Variants in PKD1L1 observed in about 807,000 individuals in gnomAD.
PKD1L1 encodes the protein polycystin 1 like 1, transient receptor potential channel interacting.
PKD1L1 carries 236 observed loss-of-function variants against 323.4 expected under a neutral mutation model. The ratio of observed to expected loss-of-function variants is 0.73; its 90% CI spans 0.66 to 0.81. PKD1L1 has a LOEUF of 0.81. Among genes scored for constraint, PKD1L1 ranks in the 40% least tolerant of loss-of-function variants. The probability of loss-of-function intolerance (pLI) is 0.00; values close to 1 mark genes in which losing one functional copy is unlikely to be tolerated. For synonymous variants in PKD1L1, 1,344 were observed against 1,335.0 expected (o/e 1.01, Z -0.15); for missense variants, 3,320 against 3,508.0 (o/e 0.95, Z 1.35).
chr7:47,858,761 C>A lies in PKD1L1; in HGVS notation c.4274G>T (p.Arg1425Ile). The A allele has an allele frequency of 1.2e-6, 2 of 1,614,192 alleles. No individual in the cohort carries two copies. Among genetic ancestry groups the A allele is most frequent in the Non-Finnish European group, 1.7e-6 (2 of 1,180,020 alleles). Reference sequence around the variant, plus strand: ...TTCTTGCTCAGAGACTTCCCAGACTCTGGATATGAGACCGATGAGCTCAAG... The same window carrying A: ...TTCTTGCTCAGAGACTTCCCAGACTATGGATATGAGACCGATGAGCTCAAG... ...VRLELIGLIS[R>I]VWEVSEQENS... The change falls in exon 27 of 57, where the codon AGA (arginine) becomes ATA (isoleucine). Residue 1425 changes from arginine to isoleucine, a missense_variant. Coordinates refer to ENST00000289672, the MANE Select transcript of PKD1L1 (RefSeq NM_138295.5).
chr7:47,949,320 G>T (rs1291510266), upstream of PKD1L1, among the ~76,000 whole-genome samples: 1 of 127,928 alleles, frequency 7.8e-6, no homozygotes. Flanking sequence ...AGTGAGCCGA[G>T]ATCGTGCCAC....
intron 2 of PKD1L1, 28 bp from the exon 3 acceptor site, chr7:47,940,345 C>T: frequency 6.2e-7 from 1 of 1,603,536 alleles, no homozygotes; most frequent in Non-Finnish European, 8.5e-7. Context: ...AGCAAACATT[C>T]TGAAGACTGC....
At position 47,877,490 on chromosome 7, in the gene PKD1L1, G is replaced by A. The variant is rs779116056; in HGVS notation, c.3662C>T (p.Pro1221Leu). The A allele has an allele frequency of 4.3e-6, 7 of 1,613,666 alleles. No individual in the cohort carries two copies. Among genetic ancestry groups the A allele is most frequent in the East Asian group, 4.5e-5 (2 of 44,860 alleles). ...VFSVFCMSGK[P>L]DFHYEFSYQI... ...ACAGACATGGGGTTGTCCACGTACC[G>A]GTTTTCCAGACATGCAGAAGACACT... is the stretch of plus-strand genomic sequence containing the variant. Residue 1221 changes from proline (P) to leucine (L), a missense_variant and splice_region_variant, in exon 22 of 57, where the codon CCG (proline) becomes CTG (leucine). Physicochemically the swap from Pro to Leu is moderately conservative, Grantham distance 98. Transcript: ENST00000289672.
At chr7:47,950,437 G>A (rs1281255943), upstream of PKD1L1, among the ~76,000 whole-genome samples, 4 of 152,294 alleles carry the variant, frequency 2.6e-5, no homozygotes, top group East Asian at 1.9e-4. Flanking sequence ...ACTGCCCTAC[G>A]TGGGAGGCAC....
At chr7:47,891,847 G>A (rs1786826196) in intron 15 of PKD1L1, among the ~76,000 whole-genome samples, 1 of 152,166 alleles carries the variant, frequency 6.6e-6, no homozygotes, top group African/African-American at 2.4e-5. Context: ...CCTTAGGTTG[G>A]GTGCAGGGAA....
At chr7:47,809,922 G>T (rs1351076959) in intron 50 of PKD1L1, among the ~76,000 whole-genome samples, 3 of 152,202 alleles carry the variant, frequency 2.0e-5, no homozygotes, top group Non-Finnish European at 4.4e-5. Context: ...CTGCTCAAAA[G>T]AGTGAGTTTC....
At chr7:47,829,364 T>A in intron 44 of PKD1L1, 61 bp downstream of exon 44, 1 of 1,455,224 alleles carries the variant, frequency 6.9e-7, no homozygotes, top group Non-Finnish European at 9.3e-7. Context: ...CAGATATGCA[T>A]GATAGAATAT....
At position 47,946,464 on chromosome 7, in the gene PKD1L1, C is replaced by T. The variant is rs1250186843; in HGVS notation, c.44+1933G>A. Among the ~76,000 whole-genome samples, 19 of 149,588 alleles carry T rather than the reference C, an allele frequency of 1.3e-4. No homozygotes were observed. The Admixed American group carries it at 1.3e-3, about 10-fold the overall frequency. On this transcript the variant is annotated intron_variant, in intron 1 of 56. Transcript: ENST00000289672. This position sits in a 1 kb window ranked among gnomAD's most constrained non-coding sequence, Gnocchi z 4.1. ...ACACAGCACATACCCACCCACCACA[C>T]ACACATCGCACACACCACACACCAC...
At position 47,836,962 on chromosome 7, in the gene PKD1L1, C is replaced by G; in HGVS notation, c.5902G>C (p.Ala1968Pro). ...GCAGCAACCAGGGCAGTGAGACACG[C>G]GTAGACGCACAGCAGGGAGAAGGAC... ...TVSFSLLCVY[A>P]CLTALVAAGG... Residue 1968 changes from alanine (A) to proline (P), a missense_variant, in exon 37 of 57, where the codon GCG becomes CCG. Transcript: ENST00000289672. 1 of 1,614,150 alleles carries G rather than the reference C, an allele frequency of 6.2e-7. No individual in the cohort carries two copies. Among genetic ancestry groups the G allele is most frequent in the Non-Finnish European group, 8.5e-7 (1 of 1,180,034 alleles).
chr7:47,817,516 G>T (rs1400439857), intron 46 of PKD1L1, among the ~76,000 whole-genome samples: 2 of 152,172 alleles, frequency 1.3e-5, no homozygotes, highest in African/African-American at 4.8e-5. Context: ...AGTGTATAGA[G>T]TAATAAAGAG....
At chr7:47,883,342 C>T (rs188737702) in intron 19 of PKD1L1, among the ~76,000 whole-genome samples, 3 of 152,314 alleles carry the variant, frequency 2.0e-5, no homozygotes, top group African/African-American at 7.2e-5. Context: ...GAACCACCCC[C>T]AACAAATCAT....
intron 41 of PKD1L1, 42 bp downstream of exon 41, chr7:47,833,048 T>C (rs755668013): frequency 1.0e-5 from 16 of 1,581,056 alleles, no homozygotes; most frequent in Non-Finnish European, 1.4e-5. Flanking sequence ...GCAGGTCTGC[T>C]GGACTGGCAG....
chr7:47,880,663 T>A, intron 21 of PKD1L1, 65 bp downstream of exon 21: 1 of 1,317,706 alleles, frequency 7.6e-7, no homozygotes, highest in Non-Finnish European at 1.1e-6. Flanking sequence ...TTAGGAAGAG[T>A]AAACTCACAG....
intron 46 of PKD1L1, among the ~76,000 whole-genome samples, chr7:47,818,941 A>G (rs929162768): frequency 1.3e-5 from 2 of 152,194 alleles, no homozygotes; most frequent in Non-Finnish European, 2.9e-5. Context: ...CCCTTTATAG[A>G]TGAAGATGCT....
intron 4 of PKD1L1, among the ~76,000 whole-genome samples, chr7:47,935,585 C>T (rs1482378405): frequency 6.6e-6 from 1 of 152,206 alleles, no homozygotes; most frequent in Non-Finnish European, 1.5e-5. Flanking sequence ...AGGTGTGCAG[C>T]GTGGCCTGCC....
In PKD1L1 at chr7:47,885,982, T is replaced by A. The variant is rs1786675339; in HGVS notation, c.2909A>T (p.Asn970Ile). The change falls in exon 18 of 57, where the codon AAC (asparagine) becomes ATC (isoleucine). Residue 970 changes from asparagine (N) to isoleucine (I), a missense_variant. Coordinates refer to ENST00000289672, the MANE Select transcript of PKD1L1 (RefSeq NM_138295.5). ...LGAISESSQL[N>I]LLPTEPGTAD... ...AGTGCCAGGCTCAGTGGGCAGCAGGTTTAACTGTGATGACTCTGAAATGGC... is the reference window on the plus strand; with the variant it reads ...AGTGCCAGGCTCAGTGGGCAGCAGGATTAACTGTGATGACTCTGAAATGGC... The A allele has an allele frequency of 6.2e-7, 1 of 1,614,068 alleles. No homozygotes were observed. The highest frequency in any genetic ancestry group is 1.6e-4 in the Middle Eastern group (1 of 6,062).
rs1787877948 is a variant in PKD1L1, at chr7:47,936,899, A to G, written c.345T>C (p.Ala115=). 6.2e-7 allele frequency: 1 copy of G among 1,613,792 alleles called. No individual in the cohort carries two copies. The highest frequency in any genetic ancestry group is 1.1e-5 in the South Asian group (1 of 90,858). The part of the protein sequence containing the change: ...ALSVVNEKTQ[A]VVNEKTQAPL... ...GCGCCTGTGTTTTTTCATTAACAAC[A>G]GCCTGTGTTTTTTCATTAACAACAC... Residue 115 remains alanine (A), a synonymous_variant, in exon 4 of 57, where the codon GCT becomes GCC. Transcript: ENST00000289672.
At chr7:47,827,702 G>A (rs958435460) in intron 44 of PKD1L1, among the ~76,000 whole-genome samples, 1 of 152,138 alleles carries the variant, frequency 6.6e-6, no homozygotes, top group African/African-American at 2.4e-5. Context: ...AAGTTTTTTT[G>A]GCAGGGATTG....
Position 47,821,116 on chromosome 7 carries a change from C to CATCTTGGGAAAATCTCCCATATATT in PKD1L1, c.6900_6924dup (p.Glu2309AsnfsTer9). On this transcript the variant is annotated frameshift_variant, in exon 46 of 57. Transcript: ENST00000289672. LOFTEE classifies it high-confidence loss of function. ...CGGATAGCTTGATTGAGGGAGTATT[C>CATCTTGGGAAAATCTCCCATATATT]ATCTTGGGAAAATCTCCCATATATT... is the stretch of plus-strand genomic sequence containing the variant. 6.2e-7 allele frequency: 1 copy of CATCTTGGGAAAATCTCCCATATATT among 1,608,318 alleles called. No homozygotes were observed. The highest frequency in any genetic ancestry group is 1.7e-4 in the Middle Eastern group (1 of 6,048).
Sources: gnomAD v4.1 joint callset for allele counts (sites outside exome capture counted in the v4.1 genomes callset) on GRCh38, gnomAD v4.1.1 for gene constraint, Gnocchi (gnomAD v3.1) non-coding constraint, MANE v1.5 for transcripts, NCBI Gene and HGNC (gene_info 2026-07-23, HGNC 2026-07-21) for gene names.